Variants in CIT observed in about 807,000 individuals in gnomAD.
CIT encodes citron Rho-interacting kinase.
A neutral mutation model predicts 272.7 loss-of-function variants in CIT; 79 were observed. The ratio of observed to expected loss-of-function variants is 0.29; its 90% CI spans 0.24 to 0.35. The LOEUF is 0.35. Among genes scored for constraint, CIT ranks in the 10% least tolerant of loss-of-function variants. CIT has a pLI of 1.00. For missense variants in CIT, 1,909 were observed against 2,618.3 expected (o/e 0.73, Z 5.91); for synonymous variants, 948 against 995.6 (o/e 0.95, Z 0.90).
intron 10 of CIT, 42 bp downstream of exon 10, chr12:119,803,164 G>T: frequency 7.5e-6 from 5 of 666,734 alleles, no homozygotes; most frequent in East Asian, 5.1e-5. Context: ...CAAAAGCCTT[G>T]CATCAATGCA....
In CIT at chr12:119,718,750, C is replaced by G; in HGVS notation, c.3952G>C (p.Glu1318Gln). 1.2e-6 allele frequency: 2 copies of G among 1,614,154 alleles called. No individual in the cohort carries two copies. Among genetic ancestry groups the G allele is most frequent in the Non-Finnish European group, 1.7e-6 (2 of 1,180,034 alleles). Reference sequence around the variant, plus strand: ...ATGCGGGTCTTCTGAAGGGCTTCCTCTAGCTCTGCACAGCGAGCTTTCTCC... The same window carrying G: ...ATGCGGGTCTTCTGAAGGGCTTCCTGTAGCTCTGCACAGCGAGCTTTCTCC... The part of the protein sequence containing the change: ...EKEKARCAEL[E>Q]EALQKTRIEL... Residue 1318 changes from glutamate to glutamine, a missense_variant, in exon 31 of 48, where the codon GAG becomes CAG. Physicochemically the swap from Glu to Gln is conservative, Grantham distance 29. This residue lies in a region of CIT where 780 missense variants were observed against 1,067.2 expected (regional missense o/e 0.73). Transcript: ENST00000392521. The surrounding 1 kb of genome is among the most constrained non-coding windows in gnomAD (Gnocchi z 4.8).
intron 3 of CIT, among the ~76,000 whole-genome samples, chr12:119,863,582 A>G (rs1286424442): frequency 1.3e-5 from 2 of 151,874 alleles, no homozygotes; most frequent in African/African-American, 4.8e-5. Context: ...GCTGGAGTGC[A>G]GTGGCGCAAT....
At chr12:119,745,345 G>A (rs1246315999) in intron 23 of CIT, among the ~76,000 whole-genome samples, 4 of 22,378 alleles carry the variant, frequency 1.8e-4, no homozygotes, top group Non-Finnish European at 3.0e-4. Context: ...TATCTTCAAA[G>A]TGCTGAAATA....
intron 30 of CIT, among the ~76,000 whole-genome samples, chr12:119,719,380 A>G (rs181026865): frequency 1.1e-4 from 16 of 152,152 alleles, no homozygotes; most frequent in East Asian, 3.9e-4. Flanking sequence ...CTATACATGG[A>G]AAAAAAAGGA....
chr12:119,809,969 A>G (rs1187055038), intron 9 of CIT, among the ~76,000 whole-genome samples: 3 of 152,106 alleles, frequency 2.0e-5, no homozygotes, highest in African/African-American at 7.2e-5. Context: ...GAAGCTCGCA[A>G]CCCTTCCCCC....
chr12:119,702,643 T>C (rs1026271646), intron 41 of CIT, among the ~76,000 whole-genome samples: 8 of 151,242 alleles, frequency 5.3e-5, no homozygotes. Context: ...GCTGAGATAG[T>C]GCCATTGCAC....
rs1474170557 is a variant in CIT, at chr12:119,857,582, T to C, written c.355A>G (p.Thr119Ala). 1.9e-6 allele frequency: 3 copies of C among 1,614,062 alleles called. No homozygotes were observed. Among genetic ancestry groups the C allele is most frequent in the Non-Finnish European group, 2.5e-6 (3 of 1,180,036 alleles). ...AEVQVVREKATGDIYAMKVMK... is the reference protein window; with the variant it reads ...AEVQVVREKAAGDIYAMKVMK... The stretch of plus-strand genomic sequence containing the variant: ...ACTTTCATAGCATAGATGTCCCCGG[T>C]TGCTTTCTCTCTTACCACCTGCACT... Residue 119 changes from threonine (T) to alanine (A), a missense_variant, in exon 4 of 48, where the codon ACC becomes GCC. Thr to Ala is a moderately conservative substitution (Grantham distance 58, BLOSUM62 0). This residue lies in a region of CIT where 529 missense variants were observed against 549.6 expected (regional missense o/e 0.96). Coordinates refer to ENST00000392521, the MANE Select transcript of CIT (RefSeq NM_001206999.2).
intron 12 of CIT, 190 bp from the exon 13 acceptor site, chr12:119,782,827 C>T: frequency 1.8e-6 from 1 of 561,238 alleles, no homozygotes; most frequent in Non-Finnish European, 3.0e-6. Context: ...CAAGAAACAT[C>T]ATCTCAACCT....
In CIT at chr12:119,847,303, G is replaced by A. The variant is rs139159403; in HGVS notation, c.516+2871C>T. Among the ~76,000 whole-genome samples, 230 of 152,286 alleles carry A rather than the reference G, an allele frequency of 1.5e-3. 2 individuals carry two copies. The highest frequency in any genetic ancestry group is 5.5e-3 in the African/African-American group (228 of 41,568). On this transcript the variant is annotated intron_variant, in intron 5 of 47. Coordinates refer to ENST00000392521, the MANE Select transcript of CIT (RefSeq NM_001206999.2). Reference sequence around the variant, plus strand: ...CTGGCCCGAACTTCTTCTTAATAAAGAAGCCTGAGGCTGGGCACAGTGGCT... The same window carrying A: ...CTGGCCCGAACTTCTTCTTAATAAAAAAGCCTGAGGCTGGGCACAGTGGCT...
rs370357336 is a variant in CIT, at chr12:119,784,223, G to A, written c.1402-172C>T. 132 of 1,598,364 alleles carry A rather than the reference G, an allele frequency of 8.3e-5. No individual in the cohort carries two copies. Among genetic ancestry groups the A allele is most frequent in the Non-Finnish European group, 1.0e-4 (119 of 1,170,662 alleles). On this transcript the variant is annotated intron_variant, in intron 11 of 47. Coordinates refer to ENST00000392521, the MANE Select transcript of CIT (RefSeq NM_001206999.2). This position sits in a 1 kb window ranked among gnomAD's most constrained non-coding sequence, Gnocchi z 4.7. ...TTCGCCCAGGAGCGCACAGTTCTTC[G>A]TTAAGGACAGTCACCAAATGCTAAG... is the stretch of plus-strand genomic sequence containing the variant.
intron 9 of CIT, among the ~76,000 whole-genome samples, chr12:119,810,126 C>T (rs1379144592): frequency 2.0e-5 from 3 of 152,204 alleles, no homozygotes; most frequent in African/African-American, 7.2e-5. Flanking sequence ...AATTTGAAGC[C>T]AGTCAGCGAG....
intron 4 of CIT, among the ~76,000 whole-genome samples, chr12:119,850,847 A>G (rs921703158): frequency 2.0e-5 from 3 of 152,184 alleles, no homozygotes; most frequent in African/African-American, 7.2e-5. Context: ...AGGCCCACAC[A>G]GGGTAAGGAA....
rs1221329058 is a variant in CIT, at chr12:119,836,331, C to CACTT, written c.517-2107_517-2104dup. Among the ~76,000 whole-genome samples, 5 of 117,786 alleles carry CACTT rather than the reference C, an allele frequency of 4.2e-5. No individual in the cohort carries two copies. The Admixed American group carries it at 4.4e-4, about 10-fold the overall frequency. 77.3% of individuals were successfully genotyped at this position (117,786 alleles called of 152,430 possible). A position where few individuals can be genotyped will look rare whatever the true frequency, so the allele number is the denominator to read the frequency against. ...AAAAAAAAATTATGAACAAGAGGAA[C>CACTT]ACTTAGAAGGGGGCAGCACCTAACA... On this transcript the variant is annotated intron_variant, in intron 5 of 47. Coordinates refer to ENST00000392521, the MANE Select transcript of CIT (RefSeq NM_001206999.2).
At chr12:119,812,793 TG>T (rs1966863359) in intron 9 of CIT, among the ~76,000 whole-genome samples, 1 of 151,236 alleles carries the variant, frequency 6.6e-6, no homozygotes, top group South Asian at 2.1e-4. Context: ...TCGCCCAGGT[TG>T]GAGACATCGC....
chr12:119,811,118 A>C (rs1966844320), intron 9 of CIT, among the ~76,000 whole-genome samples: 1 of 152,046 alleles, frequency 6.6e-6, no homozygotes, highest in African/African-American at 2.4e-5. Context: ...TCAGTCTAGG[A>C]GTTCAAGACC....
intron 23 of CIT, among the ~76,000 whole-genome samples, chr12:119,747,546 C>T (rs899932312): frequency 7.2e-5 from 11 of 151,874 alleles, no homozygotes; most frequent in Non-Finnish European, 1.2e-4. Context: ...TGGTGAAACC[C>T]GTGACTCACT....
At chr12:119,787,993 T>A (rs945143517) in intron 10 of CIT, among the ~76,000 whole-genome samples, 1 of 152,194 alleles carries the variant, frequency 6.6e-6, no homozygotes, top group Non-Finnish European at 1.5e-5. Context: ...TTACTACCCA[T>A]GCAACTTCAT....
chr12:119,707,329 GCCT>G (rs1956932244), intron 40 of CIT, among the ~76,000 whole-genome samples: 1 of 152,118 alleles, frequency 6.6e-6, no homozygotes, highest in Non-Finnish European at 1.5e-5. Flanking sequence ...TATTTCACGT[GCCT>G]AAAGGAGGCA....
chr12:119,813,576 A>G (rs435136), intron 9 of CIT, among the ~76,000 whole-genome samples: 105,163 of 152,106 alleles, frequency 0.69, 36,760 homozygotes, highest in East Asian at 0.84. Flanking sequence ...TCATTTCCAC[A>G]TTTGCTTGGT....
Sources: allele counts gnomAD v4.1 joint callset (sites outside exome capture counted in the v4.1 genomes callset), GRCh38; gene constraint gnomAD v4.1.1; regional missense constraint gnomAD v4.1.1; non-coding constraint Gnocchi (gnomAD v3.1); transcripts MANE v1.5; gene names NCBI Gene and HGNC (gene_info 2026-07-23, HGNC 2026-07-21).